The following AKT3 variants were observed in gnomAD, a reference collection of about 807,000 sequenced individuals.
AKT3 encodes RAC-gamma serine/threonine-protein kinase.
AKT3 carries 15 observed loss-of-function variants against 65.3 expected under a neutral mutation model. That is an observed-to-expected ratio of 0.23 (90% CI 0.15 to 0.35). The LOEUF is 0.35. AKT3 is among the 10% of genes least tolerant of loss of function. The pLI, the probability that AKT3 is intolerant of heterozygous loss-of-function variation, is 1.00. For missense variants in AKT3, 243 were observed against 576.5 expected (o/e 0.42, Z 5.92); for synonymous variants, 206 against 183.8 (o/e 1.12, Z -0.98).
chr1:243,620,943 T>C (rs1678702308), intron 6 of AKT3, among the ~76,000 whole-genome samples: 1 of 152,130 alleles, frequency 6.6e-6, no homozygotes, highest in African/African-American at 2.4e-5. Context: ...CTCTTAACTC[T>C]ATATTTCACA....
chr1:243,815,547 A>G (rs1693457111), intron 2 of AKT3, among the ~76,000 whole-genome samples: 1 of 152,160 alleles, frequency 6.6e-6, no homozygotes, highest in Non-Finnish European at 1.5e-5. Flanking sequence ...GCCAGTTCCA[A>G]ATTCAAAAGA....
At chr1:243,713,080 T>C (rs1181211773) in intron 2 of AKT3, among the ~76,000 whole-genome samples, 2 of 152,212 alleles carry the variant, frequency 1.3e-5, no homozygotes, top group Non-Finnish European at 2.9e-5. Flanking sequence ...ACCTCACCCC[T>C]AGTGGTAGGC....
At chr1:243,567,595 C>T (rs1674261548) in intron 9 of AKT3, among the ~76,000 whole-genome samples, 1 of 149,556 alleles carries the variant, frequency 6.7e-6, no homozygotes, top group Non-Finnish European at 1.5e-5. Flanking sequence ...TCCCAAAGTG[C>T]TGGGATTACA....
intron 6 of AKT3, among the ~76,000 whole-genome samples, chr1:243,632,486 T>C (rs1679680627): frequency 6.6e-6 from 1 of 152,212 alleles, no homozygotes; most frequent in Non-Finnish European, 1.5e-5. Flanking sequence ...TTTGTTGCTT[T>C]ACTGATAAGA....
intron 2 of AKT3, among the ~76,000 whole-genome samples, chr1:243,721,294 A>T (rs1686886046): frequency 6.6e-6 from 1 of 152,180 alleles, no homozygotes; most frequent in Admixed American, 6.5e-5. Flanking sequence ...TGGGAGGAAG[A>T]AACATTACAA....
Position 243,503,381 on chromosome 1 carries a change from G to T in AKT3, c.*1868C>A, listed in dbSNP as rs529465390. On this transcript the variant is annotated 3_prime_UTR_variant, in exon 14 of 14. Coordinates refer to ENST00000673466, the MANE Select transcript of AKT3 (RefSeq NM_005465.7). ...ATATGAATATGATTCATCCTACTTAGAAAGTCACTTGCTCTTTCATACAAT... is the reference window on the plus strand; with the variant it reads ...ATATGAATATGATTCATCCTACTTATAAAGTCACTTGCTCTTTCATACAAT... 1 of 221,584 alleles carries T rather than the reference G, an allele frequency of 4.5e-6. No homozygotes were observed. The highest frequency in any genetic ancestry group is 1.9e-4 in the South Asian group (1 of 5,228). The allele number at this position is 221,584 out of a possible 1,614,324, so 13.7% of individuals were successfully genotyped here. A position where few individuals can be genotyped will look rare whatever the true frequency, so the allele number is the denominator to read the frequency against.
intron 3 of AKT3, among the ~76,000 whole-genome samples, chr1:243,684,136 CT>C (rs922157692): frequency 1.3e-4 from 20 of 151,556 alleles, no homozygotes; most frequent in East Asian, 3.9e-4. Context: ...TAATTGAATA[CT>C]TTTTTTTGTA....
At chr1:243,691,397 G>C (rs1049214187) in intron 3 of AKT3, among the ~76,000 whole-genome samples, 5 of 152,162 alleles carry the variant, frequency 3.3e-5, no homozygotes, top group Non-Finnish European at 4.4e-5. Flanking sequence ...CAGGGGAATG[G>C]CATAGTTATG....
At chr1:243,518,700 T>A (rs1234518363) in intron 12 of AKT3, among the ~76,000 whole-genome samples, 1 of 152,156 alleles carries the variant, frequency 6.6e-6, no homozygotes, top group African/African-American at 2.4e-5. Context: ...CAACTTCAGA[T>A]TTCATTACAA....
chr1:243,586,713 T>C (rs1157463439), intron 8 of AKT3, among the ~76,000 whole-genome samples: 1 of 151,842 alleles, frequency 6.6e-6, no homozygotes, highest in African/African-American at 2.4e-5. Flanking sequence ...CTATAGAAAC[T>C]GGAAACTACT....
At chr1:243,601,976 T>A (rs1677038223) in intron 8 of AKT3, among the ~76,000 whole-genome samples, 1 of 152,174 alleles carries the variant, frequency 6.6e-6, no homozygotes, top group Non-Finnish European at 1.5e-5. Flanking sequence ...GTGTAAGAAG[T>A]TTGACTACCT....
chr1:243,515,165 A>G (rs1369017790), intron 12 of AKT3, among the ~76,000 whole-genome samples: 1 of 152,206 alleles, frequency 6.6e-6, no homozygotes, highest in Non-Finnish European at 1.5e-5. Flanking sequence ...CAGTACATAG[A>G]TGTATCACAA....
At chr1:243,651,516 T>C (rs1327752920) in intron 4 of AKT3, among the ~76,000 whole-genome samples, 1 of 152,224 alleles carries the variant, frequency 6.6e-6, no homozygotes, top group African/African-American at 2.4e-5. Flanking sequence ...TTCAGTATGA[T>C]ATTTGCTGTA....
chr1:243,641,771 C>CA (rs1041755060), intron 5 of AKT3, among the ~76,000 whole-genome samples: 5 of 151,702 alleles, frequency 3.3e-5, no homozygotes, highest in African/African-American at 9.7e-5. Context: ...CCTGTCTCTA[C>CA]AAAAAAATAC....
chr1:243,536,653 A>G (rs947134599), intron 12 of AKT3, among the ~76,000 whole-genome samples: 1 of 152,288 alleles, frequency 6.6e-6, no homozygotes, highest in South Asian at 2.1e-4. Flanking sequence ...ACATCTAGTT[A>G]TATTTCCTAA....
At chr1:243,775,933 C>A (rs1163976398) in intron 2 of AKT3, among the ~76,000 whole-genome samples, 1 of 152,102 alleles carries the variant, frequency 6.6e-6, no homozygotes, top group Non-Finnish European at 1.5e-5. Flanking sequence ...TAAAGGACTG[C>A]ATTTTAAAGG....
intron 2 of AKT3, among the ~76,000 whole-genome samples, chr1:243,749,057 C>G (rs1332808563): frequency 6.6e-6 from 1 of 151,980 alleles, no homozygotes; most frequent in African/African-American, 2.4e-5. Context: ...TTTTCCTTAC[C>G]ACTTCTAGTC....
intron 4 of AKT3, among the ~76,000 whole-genome samples, chr1:243,647,288 G>A (rs928966625): frequency 8.5e-5 from 13 of 152,098 alleles, no homozygotes; most frequent in Non-Finnish European, 1.3e-4. Context: ...CCCTTCCTAT[G>A]CTTATATGTT....
At chr1:243,734,729 TTTC>T (rs1687748147) in intron 2 of AKT3, among the ~76,000 whole-genome samples, 1 of 152,220 alleles carries the variant, frequency 6.6e-6, no homozygotes, top group South Asian at 2.1e-4. Context: ...AATATTTTTC[TTTC>T]TTCAATAATA....
Sources: gnomAD v4.1 joint callset for allele counts (sites outside exome capture counted in the v4.1 genomes callset) on GRCh38, gnomAD v4.1.1 for gene constraint, MANE v1.5 for transcripts, NCBI Gene and HGNC (gene_info 2026-07-23, HGNC 2026-07-21) for gene names.